The following SPMAP2L variants were observed in gnomAD, a reference collection of about 807,000 sequenced individuals.
SPMAP2L encodes sperm microtubule associated protein 2-like.
At chr4:56,531,090 G>T in the SPMAP2L span, 2 of 1,535,512 alleles carry the variant, frequency 1.3e-6, no homozygotes, top group Non-Finnish European at 1.7e-6. Context: ...AAACCGAGTT[G>T]CTTCCCAGCG....
the SPMAP2L span, among the ~76,000 whole-genome samples, chr4:56,617,942 G>A: frequency 4.6e-5 from 7 of 152,098 alleles, no homozygotes; most frequent in Admixed American, 6.5e-5. Context: ...GCTTGTTGGC[G>A]TGCTCTTCCA....
chr4:56,554,266 C>G, the SPMAP2L span, among the ~76,000 whole-genome samples: 2 of 152,238 alleles, frequency 1.3e-5, no homozygotes, highest in East Asian at 3.9e-4. Context: ...CTACTAAGCT[C>G]TTCTAAGATG....
the SPMAP2L span, among the ~76,000 whole-genome samples, chr4:56,583,710 G>A: frequency 6.6e-6 from 1 of 152,144 alleles, no homozygotes; most frequent in Non-Finnish European, 1.5e-5. Context: ...CCATTGCAGA[G>A]GGGCCCTCAG....
At chr4:56,595,123 G>T in the SPMAP2L span, 25,996 of 1,611,408 alleles carry the variant, frequency 0.016, 584 homozygotes, top group African/African-American at 0.089. Context: ...GATGATGGGA[G>T]GCAAGGGCCT....
At chr4:56,603,371 A>G in the SPMAP2L span, 3 of 1,331,330 alleles carry the variant, frequency 2.3e-6, no homozygotes, top group South Asian at 2.9e-5. Context: ...TCTAGAACAC[A>G]TATTAGATGA....
At chr4:56,561,438 C>T in the SPMAP2L span, among the ~76,000 whole-genome samples, 3 of 152,176 alleles carry the variant, frequency 2.0e-5, no homozygotes, top group Admixed American at 6.5e-5. Context: ...ATAGCGCTGG[C>T]ATCTGCTCGG....
At chr4:56,609,452 G>A in the SPMAP2L span, among the ~76,000 whole-genome samples, 6 of 152,258 alleles carry the variant, frequency 3.9e-5, no homozygotes, top group Admixed American at 2.6e-4. Flanking sequence ...TGATATTTAC[G>A]TGAGACTTTG....
the SPMAP2L span, among the ~76,000 whole-genome samples, chr4:56,543,891 A>AGGGT: frequency 8.1e-6 from 1 of 123,732 alleles, no homozygotes; most frequent in Non-Finnish European, 1.6e-5. Flanking sequence ...AGAGAGAGAG[A>AGGGT]GAGAGTGTGT....
the SPMAP2L span, chr4:56,595,107 T>C: frequency 6.2e-7 from 1 of 1,611,574 alleles, no homozygotes; most frequent in Non-Finnish European, 8.5e-7. Flanking sequence ...CCTGGGCTTA[T>C]ATCAAGATGA....
the SPMAP2L span, among the ~76,000 whole-genome samples, chr4:56,532,402 T>A: frequency 1.3e-5 from 2 of 151,848 alleles, no homozygotes; most frequent in African/African-American, 4.8e-5. Context: ...AATCCTTCAC[T>A]TATGCTTTAG....
chr4:56,564,924 A>G, the SPMAP2L span, among the ~76,000 whole-genome samples: 1 of 152,152 alleles, frequency 6.6e-6, no homozygotes, highest in Non-Finnish European at 1.5e-5. Context: ...TGTTTGAGCC[A>G]TGGATATTAG....
the SPMAP2L span, among the ~76,000 whole-genome samples, chr4:56,608,408 A>G: frequency 6.6e-6 from 1 of 152,206 alleles, no homozygotes; most frequent in Non-Finnish European, 1.5e-5. Context: ...TATGGCTAGA[A>G]GGAAGTCAGA....
the SPMAP2L span, among the ~76,000 whole-genome samples, chr4:56,533,928 G>A: frequency 6.6e-6 from 1 of 152,028 alleles, no homozygotes; most frequent in Non-Finnish European, 1.5e-5. Context: ...CTCCAGCCTG[G>A]GCAGCAGAAC....
At chr4:56,530,826 G>A in the SPMAP2L span, 4,423 of 1,535,324 alleles carry the variant, frequency 2.9e-3, 118 homozygotes, top group African/African-American at 0.052. Context: ...AGGAGTCCGA[G>A]GATCCCGAGA....
At chr4:56,540,230 G>C in the SPMAP2L span, among the ~76,000 whole-genome samples, 1 of 152,288 alleles carries the variant, frequency 6.6e-6, no homozygotes, top group African/African-American at 2.4e-5. Flanking sequence ...CATGCATATA[G>C]TGGAGGACCG....
chr4:56,546,969 G>C, the SPMAP2L span, among the ~76,000 whole-genome samples: 1 of 152,180 alleles, frequency 6.6e-6, no homozygotes, highest in East Asian at 1.9e-4. Flanking sequence ...TAAATTCATA[G>C]CCTGCCTCCC....
At chr4:56,541,830 T>A in the SPMAP2L span, among the ~76,000 whole-genome samples, 3 of 152,172 alleles carry the variant, frequency 2.0e-5, no homozygotes, top group African/African-American at 7.2e-5. Flanking sequence ...TTCTTTTTTC[T>A]ATAGAGATGG....
the SPMAP2L span, among the ~76,000 whole-genome samples, chr4:56,605,431 G>A: frequency 1.3e-5 from 2 of 152,196 alleles, no homozygotes; most frequent in African/African-American, 2.4e-5. Context: ...ATGAAATAGT[G>A]TTATGAAATA....
the SPMAP2L span, chr4:56,530,815 G>GAGGA: frequency 6.5e-7 from 1 of 1,535,356 alleles, no homozygotes; most frequent in South Asian, 1.2e-5. Context: ...CAGAGAGCTT[G>GAGGA]AGGAGTCCGA....
Sources: gnomAD v4.1 joint callset for allele counts (sites outside exome capture counted in the v4.1 genomes callset) on GRCh38, gnomAD v4.1.1 for gene constraint, MANE v1.5 for transcripts, NCBI Gene and HGNC (gene_info 2026-07-23, HGNC 2026-07-21) for gene names.